Variants in BICC1 observed in about 807,000 individuals in gnomAD.
The protein encoded by BICC1 is protein bicaudal C homolog 1.
A neutral mutation model predicts 111.0 loss-of-function variants in BICC1; 43 were observed. The observed-to-expected ratio is 0.39, with a 90% CI of 0.30 to 0.50. BICC1 has a LOEUF of 0.50. BICC1 is among the 20% of genes least tolerant of loss of function. The pLI, the probability that BICC1 is intolerant of heterozygous loss-of-function variation, is 0.88. For missense variants in BICC1, 1,091 were observed against 1,203.2 expected (o/e 0.91, Z 1.38); for synonymous variants, 467 against 434.4 (o/e 1.07, Z -0.93).
In BICC1 at chr10:58,702,055, C is replaced by A; in HGVS notation, c.238-19C>A. 6.3e-7 allele frequency: 1 copy of A among 1,589,348 alleles called. No individual in the cohort carries two copies. Among genetic ancestry groups the A allele is most frequent in the Non-Finnish European group, 8.6e-7 (1 of 1,162,538 alleles). On this transcript the variant is annotated intron_variant, in intron 2 of 20. Coordinates refer to ENST00000373886, the MANE Select transcript of BICC1 (RefSeq NM_001080512.3). ...CAAGTTTTTAATTGAGTCAATATTT[C>A]TCTCAATTTTTGTTACAGATCATGG...
At chr10:58,762,124 C>T (rs1842332701) in intron 3 of BICC1, among the ~76,000 whole-genome samples, 1 of 152,064 alleles carries the variant, frequency 6.6e-6, no homozygotes, top group South Asian at 2.1e-4. Context: ...TGCACAAACT[C>T]CCCACCCAGG....
chr10:58,592,215 T>C (rs1040713716), intron 1 of BICC1, among the ~76,000 whole-genome samples: 2 of 152,234 alleles, frequency 1.3e-5, no homozygotes, highest in African/African-American at 4.8e-5. Context: ...GTATTCCCTG[T>C]ATAGCCGAGT....
At chr10:58,664,490 C>T (rs1838946681) in intron 2 of BICC1, among the ~76,000 whole-genome samples, 1 of 152,114 alleles carries the variant, frequency 6.6e-6, no homozygotes, top group Non-Finnish European at 1.5e-5. Context: ...TTCTGCATTT[C>T]AGACATTTTT....
rs1844505977 is a variant in BICC1 at position 58,829,788 on chromosome 10, A to G, written c.*897A>G. 1.3e-5 allele frequency: 2 copies of G among 152,232 alleles called. No individual in the cohort carries two copies. Among genetic ancestry groups the G allele is most frequent in the East Asian group, 3.9e-4 (2 of 5,182 alleles). The allele number at this position is 152,232 out of a possible 1,614,324, so 9.4% of individuals were successfully genotyped here. Reference sequence around the variant, plus strand: ...GCTGTTTTTTAGTATATTGCCACTAAAGGACATTTATTTATATCAAACTTT... The same window carrying G: ...GCTGTTTTTTAGTATATTGCCACTAGAGGACATTTATTTATATCAAACTTT... On this transcript the variant is annotated 3_prime_UTR_variant, in exon 21 of 21. Transcript: ENST00000373886.
chr10:58,646,919 CTCTT>C lies in BICC1; in HGVS notation c.237+26025_237+26028del, dbSNP rs946397567. ...AAACATAGCCTTTTTCCTTCTTTCTCTCTTTCTTTCCTTTCTGTTTTTAAGTAAA... is the reference window on the plus strand; with the variant it reads ...AAACATAGCCTTTTTCCTTCTTTCTCTCTTTCCTTTCTGTTTTTAAGTAAA... On this transcript the variant is annotated intron_variant, in intron 2 of 20. Coordinates refer to ENST00000373886, the MANE Select transcript of BICC1 (RefSeq NM_001080512.3). Among the ~76,000 whole-genome samples the C allele has an allele frequency of 2.4e-4, 36 of 151,944 alleles. 1 individual carries two copies. Among genetic ancestry groups the C allele is most frequent in the Non-Finnish European group, 7.4e-5 (5 of 67,944 alleles).
intron 1 of BICC1, among the ~76,000 whole-genome samples, chr10:58,599,713 A>T (rs908640326): frequency 8.5e-5 from 13 of 152,114 alleles, no homozygotes; most frequent in African/African-American, 3.1e-4. Context: ...AATCCTACCC[A>T]GAAAGGGGTT....
rs1023884899 is a variant in BICC1 at position 58,513,482 on chromosome 10, C to T, written c.190+149C>T. The T allele has an allele frequency of 9.5e-6, 7 of 739,286 alleles. No individual in the cohort carries two copies. In the African/African-American group the frequency reaches 1.3e-4, roughly 14 times the overall value. The allele number at this position is 739,286 out of a possible 1,614,324, so 45.8% of individuals were successfully genotyped here. ...CTCCCCCGCGGAGCCGGAGGACACC[C>T]AGGGACTGGAGACTTCGCGGGACTC... On this transcript the variant is annotated intron_variant, in intron 1 of 20. Transcript: ENST00000373886.
At chr10:58,803,036 A>T (rs141076418) in intron 14 of BICC1, 41 bp from the exon 15 acceptor site, 34 of 1,505,438 alleles carry the variant, frequency 2.3e-5, no homozygotes, top group Non-Finnish European at 2.8e-5. Flanking sequence ...GTACATTTGT[A>T]TATATAGTGG....
At chr10:58,735,435 C>G (rs1841437694) in intron 3 of BICC1, among the ~76,000 whole-genome samples, 1 of 152,150 alleles carries the variant, frequency 6.6e-6, no homozygotes, top group Non-Finnish European at 1.5e-5. Flanking sequence ...TAATTAAACC[C>G]TTATATATGC....
intron 3 of BICC1, among the ~76,000 whole-genome samples, chr10:58,760,968 C>T (rs1430526037): frequency 6.6e-6 from 1 of 152,060 alleles, no homozygotes; most frequent in African/African-American, 2.4e-5. Context: ...GCATTGTTTT[C>T]CATTGGAAAC....
intron 2 of BICC1, among the ~76,000 whole-genome samples, chr10:58,680,751 C>T (rs1839493378): frequency 6.6e-6 from 1 of 152,136 alleles, no homozygotes; most frequent in East Asian, 1.9e-4. Flanking sequence ...GCTGGAGCGT[C>T]ATGCTACCTG....
chr10:58,725,574 A>G (rs1841079794), intron 3 of BICC1, among the ~76,000 whole-genome samples: 1 of 152,222 alleles, frequency 6.6e-6, no homozygotes, highest in African/African-American at 2.4e-5. Context: ...CAGAAGGCAG[A>G]AATGTGTATT....
At chr10:58,542,173 A>C (rs528985754) in intron 1 of BICC1, among the ~76,000 whole-genome samples, 260 of 151,334 alleles carry the variant, frequency 1.7e-3, no homozygotes, top group African/African-American at 6.0e-3. Flanking sequence ...AAAACAAAAA[A>C]AAAAACCCAG....
intron 1 of BICC1, among the ~76,000 whole-genome samples, chr10:58,560,015 G>C (rs1193105680): frequency 6.6e-6 from 1 of 151,362 alleles, no homozygotes; most frequent in Non-Finnish European, 1.5e-5. Flanking sequence ...GTTTTGGCTT[G>C]CAGTATTCTT....
In BICC1 at chr10:58,830,732, T is replaced by C. The variant is rs1014683018; in HGVS notation, c.*1841T>C. On this transcript the variant is annotated 3_prime_UTR_variant, in exon 21 of 21. Coordinates refer to ENST00000373886, the MANE Select transcript of BICC1 (RefSeq NM_001080512.3). ...TTAAGCTAAACTAAGCCTTATCTGC[T>C]TAAGGATGTTGAACTGAATCACTCC... The C allele has an allele frequency of 6.6e-6, 1 of 152,194 alleles. No homozygotes were observed. The highest frequency in any genetic ancestry group is 1.5e-5 in the Non-Finnish European group (1 of 68,026). 9.4% of individuals were successfully genotyped at this position (152,194 alleles called of 1,614,324 possible).
intron 2 of BICC1, among the ~76,000 whole-genome samples, chr10:58,640,684 T>C (rs1322346303): frequency 2.0e-5 from 3 of 152,192 alleles, no homozygotes; most frequent in Non-Finnish European, 4.4e-5. Flanking sequence ...AATACAGTGG[T>C]GAGCAGTTAT....
At chr10:58,582,314 G>A (rs1478216508) in intron 1 of BICC1, among the ~76,000 whole-genome samples, 1 of 152,116 alleles carries the variant, frequency 6.6e-6, no homozygotes, top group African/African-American at 2.4e-5. Context: ...ACATGATGTG[G>A]TCTTTTTGAC....
chr10:58,635,204 T>G (rs577387141), intron 2 of BICC1, among the ~76,000 whole-genome samples: 2 of 152,342 alleles, frequency 1.3e-5, no homozygotes, highest in East Asian at 1.9e-4. Flanking sequence ...TGAAAAAAGT[T>G]CCATGGTAAG....
At chr10:58,528,428 G>A (rs1842600910) in intron 1 of BICC1, among the ~76,000 whole-genome samples, 1 of 151,868 alleles carries the variant, frequency 6.6e-6, no homozygotes, top group South Asian at 2.1e-4. Context: ...ATCGAAATTT[G>A]TCAAGGTTAA....
Sources: gnomAD v4.1 joint callset for allele counts (sites outside exome capture counted in the v4.1 genomes callset) on GRCh38, gnomAD v4.1.1 for gene constraint, MANE v1.5 for transcripts, NCBI Gene and HGNC (gene_info 2026-07-23, HGNC 2026-07-21) for gene names.